MTHFD1L: variants seen among roughly 807,000 people sequenced by gnomAD.
The protein encoded by MTHFD1L is methylenetetrahydrofolate dehydrogenase (NADP+ dependent) 1 like.
MTHFD1L carries 81 observed loss-of-function variants against 119.5 expected under a neutral mutation model. That is an observed-to-expected ratio of 0.68 (90% confidence interval 0.57 to 0.82). The LOEUF is 0.82. Among genes scored for constraint, MTHFD1L ranks in the 40% least tolerant of loss-of-function variants. The probability of loss-of-function intolerance (pLI) is 0.00; values close to 1 mark genes in which losing one functional copy is unlikely to be tolerated. For missense variants in MTHFD1L, 1,125 were observed against 1,253.4 expected (o/e 0.90, Z 1.55); for synonymous variants, 430 against 475.2 (o/e 0.90, Z 1.24).
intron 17 of MTHFD1L, 111 bp downstream of exon 17, chr6:150,956,182 GGT>G (rs1795618756): frequency 1.9e-6 from 2 of 1,073,814 alleles, no homozygotes; most frequent in African/African-American, 3.1e-5. Context: ...TGTGGCCAGT[GGT>G]TCTCTCACTG....
chr6:150,893,274 A>T (rs1172384062), intron 7 of MTHFD1L, among the ~76,000 whole-genome samples: 1 of 152,164 alleles, frequency 6.6e-6, no homozygotes, highest in Admixed American at 6.5e-5. Flanking sequence ...CATGTTGGCC[A>T]GGCTGGTCTC....
At chr6:151,030,850 A>G (rs115341722) in intron 24 of MTHFD1L, among the ~76,000 whole-genome samples, 1,823 of 152,300 alleles carry the variant, frequency 0.012, 29 homozygotes, top group African/African-American at 0.041. Flanking sequence ...GAGTTTATCA[A>G]CCATTCTTTA....
At chr6:150,893,134 G>A (rs571382278) in intron 7 of MTHFD1L, among the ~76,000 whole-genome samples, 230 of 152,150 alleles carry the variant, frequency 1.5e-3, no homozygotes, top group Non-Finnish European at 2.5e-3. Context: ...GCGCGATCTC[G>A]GCTCACTAAA....
chr6:150,920,681 T>C (rs907024760), intron 9 of MTHFD1L, among the ~76,000 whole-genome samples: 1 of 152,242 alleles, frequency 6.6e-6, no homozygotes, highest in African/African-American at 2.4e-5. Context: ...CTATATTTTC[T>C]TCATTTTTCT....
chr6:151,053,685 C>T (rs1789433530), intron 26 of MTHFD1L, among the ~76,000 whole-genome samples: 1 of 151,898 alleles, frequency 6.6e-6, no homozygotes, highest in Admixed American at 6.6e-5. Flanking sequence ...CATGGTGAAA[C>T]CCCCTCTCTA....
At chr6:150,980,940 A>C (rs1008835883) in intron 20 of MTHFD1L, among the ~76,000 whole-genome samples, 1 of 152,098 alleles carries the variant, frequency 6.6e-6, no homozygotes, top group Non-Finnish European at 1.5e-5. Context: ...GCTCGTGACC[A>C]TTAATGGCCC....
At chr6:151,087,881 C>G (rs1234862809) in intron 26 of MTHFD1L, among the ~76,000 whole-genome samples, 1 of 152,134 alleles carries the variant, frequency 6.6e-6, no homozygotes, top group African/African-American at 2.4e-5. Context: ...GGTATTTCAG[C>G]CTTTGTAGAA....
At chr6:150,953,758 G>A (rs937640602) in intron 16 of MTHFD1L, among the ~76,000 whole-genome samples, 3 of 152,106 alleles carry the variant, frequency 2.0e-5, no homozygotes, top group African/African-American at 7.2e-5. Context: ...ATAAAAAACA[G>A]CTGAATTTCT....
At chr6:150,963,771 C>T (rs183234502) in intron 18 of MTHFD1L, among the ~76,000 whole-genome samples, 31 of 152,262 alleles carry the variant, frequency 2.0e-4, no homozygotes, top group Non-Finnish European at 1.6e-4. Context: ...CCTAGAGCTA[C>T]CGTTACAAGC....
At chr6:150,979,085 C>T (rs1370519700) in intron 20 of MTHFD1L, among the ~76,000 whole-genome samples, 3 of 152,060 alleles carry the variant, frequency 2.0e-5, no homozygotes, top group Non-Finnish European at 4.4e-5. Flanking sequence ...GCTGAAAATA[C>T]AAAATTAGCC....
At chr6:150,989,127 T>C (rs1562501463) in intron 20 of MTHFD1L, among the ~76,000 whole-genome samples, 1 of 152,200 alleles carries the variant, frequency 6.6e-6, no homozygotes, top group Admixed American at 6.5e-5. Context: ...ATAAATAATA[T>C]CAATTTAAAA....
rs568426240 is a variant in MTHFD1L, at chr6:150,888,212, C to A, written c.780+231C>A. 2.0e-5 allele frequency among the ~76,000 whole-genome samples: 3 copies of A among 152,292 alleles called. No individual in the cohort carries two copies. In the South Asian group the frequency reaches 6.2e-4, roughly 32 times the overall value. ...AAACAAAGAACAGATCATTCTAATA[C>A]AATCCTTTTCTCCAGCAAATGGAAA... is the stretch of plus-strand genomic sequence containing the variant. On this transcript the variant is annotated intron_variant, in intron 7 of 27. Coordinates refer to ENST00000367321, the MANE Select transcript of MTHFD1L (RefSeq NM_015440.5).
At chr6:151,077,037 A>G (rs1041230319) in intron 26 of MTHFD1L, among the ~76,000 whole-genome samples, 3 of 152,172 alleles carry the variant, frequency 2.0e-5, no homozygotes, top group African/African-American at 4.8e-5. Context: ...AAAAAGTTTC[A>G]AAGGTTAGAG....
At chr6:150,900,033 A>C (rs1204739255) in intron 7 of MTHFD1L, among the ~76,000 whole-genome samples, 1 of 148,396 alleles carries the variant, frequency 6.7e-6, no homozygotes. Context: ...TTATATTTTT[A>C]TATATATAAA....
At position 150,944,414 on chromosome 6, in the gene MTHFD1L, C is replaced by A. The variant is rs567534494; in HGVS notation, c.1441-72C>A. 15 of 1,171,236 alleles carry A rather than the reference C, an allele frequency of 1.3e-5. No individual in the cohort carries two copies. The Admixed American group carries it at 2.4e-4, about 19-fold the overall frequency. The allele number at this position is 1,171,236 out of a possible 1,614,324, so 72.6% of individuals were successfully genotyped here. A position where few individuals can be genotyped will look rare whatever the true frequency, so the allele number is the denominator to read the frequency against. On this transcript the variant is annotated intron_variant, in intron 13 of 27. Transcript: ENST00000367321. ...AGTGAGCTATGATCATGCCACTGCA[C>A]TCCAGCCTGGGCAACAAAGCGAGAC...
intron 26 of MTHFD1L, among the ~76,000 whole-genome samples, chr6:151,058,008 C>T (rs979472286): frequency 1.3e-5 from 2 of 152,152 alleles, no homozygotes; most frequent in South Asian, 2.1e-4. Flanking sequence ...AACTCCTGAC[C>T]GCACATTATC....
intron 7 of MTHFD1L, among the ~76,000 whole-genome samples, chr6:150,897,060 TGAGCC>T (rs1299500631): frequency 6.6e-6 from 1 of 151,906 alleles, no homozygotes; most frequent in African/African-American, 2.4e-5. Flanking sequence ...GAGCTTGCAG[TGAGCC>T]GAGATCGCGC....
chr6:150,903,400 C>A (rs991096598), intron 7 of MTHFD1L, among the ~76,000 whole-genome samples: 4 of 151,402 alleles, frequency 2.6e-5, no homozygotes, highest in Non-Finnish European at 4.4e-5. Flanking sequence ...GGTTATTTAG[C>A]AAATGTGTTT....
At position 150,880,662 on chromosome 6, in the gene MTHFD1L, T is replaced by A. The variant is rs184733591; in HGVS notation, c.418-2100T>A. ...TCATATGGTAGTTGTTTTTTTAATT[T>A]TGTGAGAAATCTTCATACTGTTTTC... is the stretch of plus-strand genomic sequence containing the variant. On this transcript the variant is annotated intron_variant, in intron 4 of 27. Coordinates refer to ENST00000367321, the MANE Select transcript of MTHFD1L (RefSeq NM_015440.5). 2.0e-5 allele frequency among the ~76,000 whole-genome samples: 3 copies of A among 152,350 alleles called. No homozygotes were observed. In the East Asian group the frequency reaches 5.8e-4, roughly 29 times the overall value.
Sources: allele counts gnomAD v4.1 joint callset (sites outside exome capture counted in the v4.1 genomes callset), GRCh38; gene constraint gnomAD v4.1.1; transcripts MANE v1.5; gene names NCBI Gene and HGNC (gene_info 2026-07-23, HGNC 2026-07-21).